Variants in TEK observed in about 807,000 individuals in gnomAD.
TEK encodes the protein angiopoietin-1 receptor.
TEK carries 43 observed loss-of-function variants against 131.8 expected under a neutral mutation model. That is an observed-to-expected ratio of 0.33 (90% CI 0.26 to 0.42). The LOEUF (loss-of-function observed/expected upper bound fraction) is 0.42, where lower values mean the gene tolerates loss of function less well. Among genes scored for constraint, TEK ranks in the 10% least tolerant of loss-of-function variants. The pLI is 1.00. For synonymous variants in TEK, 580 were observed against 491.6 expected (o/e 1.18, Z -2.38); for missense variants, 1,162 against 1,384.4 (o/e 0.84, Z 2.55).
At chr9:27,163,793 T>G (rs886923100) in intron 2 of TEK, among the ~76,000 whole-genome samples, 2 of 152,218 alleles carry the variant, frequency 1.3e-5, no homozygotes, top group Non-Finnish European at 2.9e-5. Flanking sequence ...ATCACAGATA[T>G]GAAACTACAT....
intron 6 of TEK, among the ~76,000 whole-genome samples, chr9:27,175,564 C>G (rs544681153): frequency 6.6e-6 from 1 of 152,288 alleles, no homozygotes; most frequent in Admixed American, 6.5e-5. Context: ...AATCGCCACA[C>G]TGACTTCCAC....
At chr9:27,125,503 A>G (rs1037495383) in intron 1 of TEK, among the ~76,000 whole-genome samples, 4 of 152,288 alleles carry the variant, frequency 2.6e-5, no homozygotes, top group African/African-American at 9.6e-5. Context: ...CTCATGGCTT[A>G]TAACCCCTAC....
At chr9:27,136,073 C>T (rs549358033) in intron 1 of TEK, among the ~76,000 whole-genome samples, 2 of 148,560 alleles carry the variant, frequency 1.3e-5, no homozygotes, top group African/African-American at 5.0e-5. Context: ...TCTGTGAATT[C>T]CCAGGGCAGT....
At chr9:27,169,313 G>A (rs577200105) in intron 3 of TEK, among the ~76,000 whole-genome samples, 164 bp from the exon 4 acceptor site, 17 of 152,300 alleles carry the variant, frequency 1.1e-4, no homozygotes, top group Non-Finnish European at 1.5e-5. Context: ...TGACTATTGA[G>A]AGAGTACTGA....
Position 27,229,239 on chromosome 9 carries a change from A to C in TEK, c.*7A>C. 2 of 1,613,492 alleles carry C rather than the reference A, an allele frequency of 1.2e-6. No individual in the cohort carries two copies. The highest frequency in any genetic ancestry group is 1.7e-6 in the Non-Finnish European group (2 of 1,179,458). On this transcript the variant is annotated 3_prime_UTR_variant, in exon 23 of 23. Transcript: ENST00000380036. ...TGCTGAAGAAGCGGCCTAGGACAGA[A>C]CATCTGTATACCCTCTGTTTCCCTT...
intron 9 of TEK, among the ~76,000 whole-genome samples, chr9:27,186,058 T>G (rs1207226010): frequency 6.6e-6 from 1 of 152,196 alleles, no homozygotes; most frequent in African/African-American, 2.4e-5. Context: ...TTCCTGTTCA[T>G]TATTGTAGAG....
intron 1 of TEK, among the ~76,000 whole-genome samples, chr9:27,124,557 A>C (rs1384860960): frequency 6.6e-6 from 1 of 152,240 alleles, no homozygotes; most frequent in African/African-American, 2.4e-5. Context: ...AGGGACGGGA[A>C]ATACACTCTG....
intron 5 of TEK, 70 bp from the exon 6 acceptor site, chr9:27,173,152 A>T: frequency 6.3e-7 from 1 of 1,588,642 alleles, no homozygotes; most frequent in East Asian, 2.2e-5. Context: ...GGAGAAATGA[A>T]TCTAAAGAAT....
intron 2 of TEK, among the ~76,000 whole-genome samples, chr9:27,163,611 A>C (rs1823621959): frequency 6.6e-6 from 1 of 152,164 alleles, no homozygotes; most frequent in Non-Finnish European, 1.5e-5. Context: ...CTGGAGAATG[A>C]TAAGTCTGGA....
intron 1 of TEK, among the ~76,000 whole-genome samples, chr9:27,153,837 CAGAACTCTTTCAAGA>C (rs1348489054): frequency 6.6e-6 from 1 of 152,188 alleles, no homozygotes; most frequent in Non-Finnish European, 1.5e-5. Context: ...GTGTCAGCAG[CAGAACTCTTTCAAGA>C]AGCCACGGAC....
chr9:27,127,018 A>G (rs566924615), intron 1 of TEK, among the ~76,000 whole-genome samples: 1 of 152,240 alleles, frequency 6.6e-6, no homozygotes, highest in South Asian at 2.1e-4. Context: ...GTACATTTTG[A>G]GCAGAAAGTG....
intron 1 of TEK, among the ~76,000 whole-genome samples, chr9:27,129,519 G>A (rs1822130194): frequency 1.3e-5 from 2 of 152,102 alleles, no homozygotes; most frequent in South Asian, 2.1e-4. Context: ...ACAAAAACCA[G>A]GTAGTTATCT....
rs1823865218 is a variant in TEK, at chr9:27,169,417, G to A, written c.476-60G>A. On this transcript the variant is annotated intron_variant, in intron 3 of 22. Transcript: ENST00000380036. Reference sequence around the variant, plus strand: ...GAAAGCTAATTAAGTGGAGAAACCAGACAAGGAAGCAGGTATGTTTCAGTG... The same window carrying A: ...GAAAGCTAATTAAGTGGAGAAACCAAACAAGGAAGCAGGTATGTTTCAGTG... The A allele has an allele frequency of 1.6e-5, 25 of 1,608,822 alleles. 1 individual carries two copies. The South Asian group carries it at 2.2e-4, about 14-fold the overall frequency.
intron 2 of TEK, among the ~76,000 whole-genome samples, chr9:27,159,740 T>C (rs776553639): frequency 5.9e-5 from 9 of 152,164 alleles, no homozygotes; most frequent in South Asian, 2.1e-4. Flanking sequence ...TATTTAATAA[T>C]TGTATTATAA....
chr9:27,152,364 T>C (rs7852018), intron 1 of TEK, among the ~76,000 whole-genome samples: 28,913 of 151,142 alleles, frequency 0.19, 3,033 homozygotes, highest in Admixed American at 0.24. Flanking sequence ...GGGAACTGGG[T>C]AAATCAGGAC....
At chr9:27,227,193 T>A (rs933613149) in intron 21 of TEK, among the ~76,000 whole-genome samples, 4 of 152,204 alleles carry the variant, frequency 2.6e-5, no homozygotes, top group African/African-American at 9.6e-5. Flanking sequence ...TTGTTCAGCA[T>A]GTGGGCTCTT....
intron 2 of TEK, among the ~76,000 whole-genome samples, chr9:27,165,007 G>T (rs1823674814): frequency 6.6e-6 from 1 of 152,320 alleles, no homozygotes; most frequent in Admixed American, 6.5e-5. Context: ...GAACATGAAT[G>T]TTGGATTTCC....
intron 2 of TEK, among the ~76,000 whole-genome samples, chr9:27,161,145 C>A (rs1164246812): frequency 6.6e-6 from 1 of 152,142 alleles, no homozygotes; most frequent in African/African-American, 2.4e-5. Context: ...AATGATCCCC[C>A]CAAACTGAGA....
chr9:27,158,164 G>A (rs1373593581), intron 2 of TEK, 22 bp downstream of exon 2: 3 of 1,613,718 alleles, frequency 1.9e-6, no homozygotes, highest in South Asian at 1.1e-5. Context: ...CTAAGTTTTG[G>A]GCAGGTGAGG....
Sources: gnomAD v4.1 joint callset for allele counts (sites outside exome capture counted in the v4.1 genomes callset) on GRCh38, gnomAD v4.1.1 for gene constraint, MANE v1.5 for transcripts, NCBI Gene and HGNC (gene_info 2026-07-23, HGNC 2026-07-21) for gene names.